The following WASHC5 variants were observed in gnomAD, a reference collection of about 807,000 sequenced individuals.
The protein encoded by WASHC5 is WASH complex subunit strumpellin.
In WASHC5, 101 loss-of-function variants were observed where a neutral mutation model predicts 150.4. The observed-to-expected ratio is 0.67, with a 90% CI of 0.57 to 0.79. The LOEUF is 0.79. WASHC5 is among the 30% of genes least tolerant of loss of function. The probability of loss-of-function intolerance (pLI) is 0.00; values close to 1 mark genes in which losing one functional copy is unlikely to be tolerated. For missense variants in WASHC5, 1,195 were observed against 1,396.3 expected (o/e 0.86, Z 2.30); for synonymous variants, 467 against 491.2 (o/e 0.95, Z 0.65).
At chr8:125,027,901 T>C (rs1205078821) in intron 28 of WASHC5, among the ~76,000 whole-genome samples, 2 of 152,256 alleles carry the variant, frequency 1.3e-5, no homozygotes, top group African/African-American at 2.4e-5. Context: ...AGAGTCTGTA[T>C]AGTTGTCATG....
chr8:125,042,181 C>G (rs1377146774), intron 23 of WASHC5, among the ~76,000 whole-genome samples: 1 of 152,222 alleles, frequency 6.6e-6, no homozygotes, highest in Non-Finnish European at 1.5e-5. Context: ...TCTACCTACT[C>G]ATTTGCCTCT....
intron 25 of WASHC5, among the ~76,000 whole-genome samples, chr8:125,037,894 C>A (rs185660998): frequency 6.6e-6 from 1 of 152,172 alleles, no homozygotes; most frequent in South Asian, 2.1e-4. Flanking sequence ...ACAGTCAGGG[C>A]GTACATGGCC....
rs775889583 is a variant in WASHC5, at chr8:125,050,594, A to C, written c.2169T>G (p.His723Gln). 6.2e-7 allele frequency: 1 copy of C among 1,613,970 alleles called. No individual in the cohort carries two copies. The highest frequency in any genetic ancestry group is 1.1e-5 in the South Asian group (1 of 91,078). ...CTCGAGGGTTGAATATCAGTCCCCT[A>C]TGCAGGGCAAAGGCAACGCGCTTCA... ...ELVKRVAFAL[H>Q]RGLIFNPRAK... Residue 723 changes from histidine (H) to glutamine (Q), a missense_variant, in exon 18 of 29, where the codon CAT becomes CAG. By Grantham distance (24) the His-to-Gln change is conservative. Coordinates refer to ENST00000318410, the MANE Select transcript of WASHC5 (RefSeq NM_014846.4).
At chr8:125,037,992 C>T (rs1815766986) in intron 25 of WASHC5, among the ~76,000 whole-genome samples, 1 of 152,134 alleles carries the variant, frequency 6.6e-6, no homozygotes, top group South Asian at 2.1e-4. Context: ...TGCCTGGCTC[C>T]TCCACTTGCT....
intron 7 of WASHC5, among the ~76,000 whole-genome samples, chr8:125,076,117 G>C (rs1318159789): frequency 6.6e-6 from 1 of 152,110 alleles, no homozygotes; most frequent in African/African-American, 2.4e-5. Context: ...ATTTAATCTT[G>C]AGAGTATCCA....
chr8:125,073,293 A>G lies in WASHC5; in HGVS notation c.1010T>C (p.Val337Ala). The change falls in exon 9 of 29, where the codon GTG (valine) becomes GCG (alanine). Residue 337 changes from valine to alanine, a missense_variant. This residue lies in a region of WASHC5 where 997 missense variants were observed against 1,168.1 expected (regional missense o/e 0.85). Coordinates refer to ENST00000318410, the MANE Select transcript of WASHC5 (RefSeq NM_014846.4). ...TAGAAATTGCTGCACTTGAGCATGCACTCTTTCACTGACAGTAGCATATCT... is the reference window on the plus strand; with the variant it reads ...TAGAAATTGCTGCACTTGAGCATGCGCTCTTTCACTGACAGTAGCATATCT... ...ASRYATVSER[V>A]HAQVQQFLKE... 1 of 1,614,004 alleles carries G rather than the reference A, an allele frequency of 6.2e-7. No homozygotes were observed. The highest frequency in any genetic ancestry group is 8.5e-7 in the Non-Finnish European group (1 of 1,179,912).
At chr8:125,057,924 C>A (rs927128924) in intron 14 of WASHC5, among the ~76,000 whole-genome samples, 11 of 152,118 alleles carry the variant, frequency 7.2e-5, no homozygotes, top group Admixed American at 4.6e-4. Flanking sequence ...CCACTCCACA[C>A]TGACTTAGTC....
At chr8:125,072,095 C>G (rs1436744532) in intron 9 of WASHC5, among the ~76,000 whole-genome samples, 4 of 151,980 alleles carry the variant, frequency 2.6e-5, no homozygotes, top group Non-Finnish European at 5.9e-5. Context: ...AATCCTAGCA[C>G]TTTGGGAGGC....
chr8:125,048,730 A>G (rs1816150479), intron 19 of WASHC5, among the ~76,000 whole-genome samples: 1 of 152,164 alleles, frequency 6.6e-6, no homozygotes, highest in African/African-American at 2.4e-5. Flanking sequence ...GGAGTCCTAA[A>G]AGTCTTTTGA....
At chr8:125,068,501 G>A (rs150639856) in intron 9 of WASHC5, among the ~76,000 whole-genome samples, 12 of 152,286 alleles carry the variant, frequency 7.9e-5, no homozygotes, top group Non-Finnish European at 1.5e-4. Flanking sequence ...AATTCACTCC[G>A]TGTGCCCTTT....
At chr8:125,039,087 C>T (rs193231544) in intron 24 of WASHC5, 128 bp from the exon 25 acceptor site, 28 of 1,035,020 alleles carry the variant, frequency 2.7e-5, no homozygotes, top group East Asian at 1.8e-4. Context: ...AGCTTGATCT[C>T]GCTAATTCTC....
chr8:125,085,097 G>T (rs761841246), intron 1 of WASHC5, among the ~76,000 whole-genome samples: 1 of 152,194 alleles, frequency 6.6e-6, no homozygotes, highest in Non-Finnish European at 1.5e-5. Context: ...TACAAGAGGT[G>T]ATGTCTGTCC....
chr8:125,072,028 T>C (rs113461135), intron 9 of WASHC5, among the ~76,000 whole-genome samples: 1,544 of 152,188 alleles, frequency 0.01, 18 homozygotes, highest in African/African-American at 0.035. Context: ...TCTACCTCCC[T>C]CTTCCTGATT....
rs751482099 is a variant in WASHC5, at chr8:125,044,029, G to A, written c.2733C>T (p.Thr911=). 5.6e-5 allele frequency: 91 copies of A among 1,613,618 alleles called. No homozygotes were observed. The highest frequency in any genetic ancestry group is 7.3e-5 in the Non-Finnish European group (86 of 1,179,720). ...RDRTVQDTLK[T]LMNAVSPLKS... ...TTAGGGGACTGACAGCATTCATGAGGGTTTTTAAAGTGTCCTGAACAGTTC... is the reference window on the plus strand; with the variant it reads ...TTAGGGGACTGACAGCATTCATGAGAGTTTTTAAAGTGTCCTGAACAGTTC... Residue 911 remains threonine, a synonymous_variant, in exon 22 of 29, where the codon ACC becomes ACT. Coordinates refer to ENST00000318410, the MANE Select transcript of WASHC5 (RefSeq NM_014846.4).
At chr8:125,031,507 G>C (rs770067474) in intron 27 of WASHC5, among the ~76,000 whole-genome samples, 9 of 152,080 alleles carry the variant, frequency 5.9e-5, no homozygotes, top group Non-Finnish European at 1.0e-4. Context: ...CTGAACTCCT[G>C]ACCTCAAGTA....
intron 26 of WASHC5, 34 bp downstream of exon 26, chr8:125,037,203 G>T: frequency 2.5e-6 from 3 of 1,178,146 alleles, no homozygotes; most frequent in Non-Finnish European, 2.6e-6. Flanking sequence ...TGTTGGTATT[G>T]TTACTCATTG....
At chr8:125,028,818 T>C (rs1435599562) in intron 27 of WASHC5, 111 bp from the exon 28 acceptor site, 28 of 762,442 alleles carry the variant, frequency 3.7e-5, no homozygotes, top group East Asian at 2.1e-4. Context: ...AAGTCAAAGA[T>C]GAACAAAAAC....
At chr8:125,072,392 G>C (rs1460415046) in intron 9 of WASHC5, among the ~76,000 whole-genome samples, 1 of 132,148 alleles carries the variant, frequency 7.6e-6, no homozygotes, top group Non-Finnish European at 1.6e-5. Flanking sequence ...ATTCTTTTTT[G>C]AGACGTGGTC....
chr8:125,080,809 T>C (rs767491492), intron 5 of WASHC5, among the ~76,000 whole-genome samples: 1 of 152,204 alleles, frequency 6.6e-6, no homozygotes, highest in Non-Finnish European at 1.5e-5. Flanking sequence ...CAACAAATGA[T>C]TTGTGGATAT....
Sources: gnomAD v4.1 joint callset for allele counts (sites outside exome capture counted in the v4.1 genomes callset) on GRCh38, gnomAD v4.1.1 for gene constraint, gnomAD v4.1.1 regional missense constraint, MANE v1.5 for transcripts, NCBI Gene and HGNC (gene_info 2026-07-23, HGNC 2026-07-21) for gene names.